The following SASH1 variants were observed in gnomAD, a reference collection of about 807,000 sequenced individuals.
The protein encoded by SASH1 is SAM and SH3 domain containing 1.
A neutral mutation model predicts 125.2 loss-of-function variants in SASH1; 44 were observed. That is an observed-to-expected ratio of 0.35 (90% confidence interval 0.28 to 0.45). The LOEUF (loss-of-function observed/expected upper bound fraction) is 0.45, where lower values mean the gene tolerates loss of function less well. SASH1 is among the 20% of genes least tolerant of loss of function. The pLI is 1.00. For synonymous variants in SASH1, 639 were observed against 649.1 expected (o/e 0.98, Z 0.24); for missense variants, 1,426 against 1,614.5 (o/e 0.88, Z 2.00).
intron 8 of SASH1, among the ~76,000 whole-genome samples, chr6:148,502,631 C>G (rs532451966): frequency 2.0e-4 from 31 of 152,074 alleles, no homozygotes; most frequent in African/African-American, 7.5e-4. Context: ...TGAAATCAAG[C>G]TTGGGGAAGA....
At chr6:148,389,714 T>G (rs183683689) in intron 1 of SASH1, among the ~76,000 whole-genome samples, 7 of 152,242 alleles carry the variant, frequency 4.6e-5, no homozygotes, top group African/African-American at 1.7e-4. Context: ...AGGGGCCACA[T>G]TGGGCATTAG....
At chr6:148,331,565 G>T (rs558093293) in intron 1 of SASH1, among the ~76,000 whole-genome samples, 70 of 152,044 alleles carry the variant, frequency 4.6e-4, no homozygotes, top group African/African-American at 1.6e-3. Context: ...TCCTGACCTC[G>T]TGATCCGCCC....
intron 1 of SASH1, among the ~76,000 whole-genome samples, chr6:148,318,429 T>C (rs980861538): frequency 1.3e-5 from 2 of 152,210 alleles, no homozygotes; most frequent in Admixed American, 6.5e-5. Flanking sequence ...ACAGCTTTCA[T>C]TTGACATTCA....
At chr6:148,297,014 G>T (rs1350609219) in intron 1 of SASH1, among the ~76,000 whole-genome samples, 1 of 152,228 alleles carries the variant, frequency 6.6e-6, no homozygotes, top group Non-Finnish European at 1.5e-5. Flanking sequence ...GGCCTTCAGG[G>T]AAGAGAATCT....
intron 1 of SASH1, among the ~76,000 whole-genome samples, chr6:148,352,704 G>C (rs1238360161): frequency 1.3e-5 from 2 of 152,110 alleles, no homozygotes; most frequent in East Asian, 3.9e-4. Flanking sequence ...GGGTACGGTG[G>C]CTCATGCCTG....
chr6:148,379,880 T>G, intron 1 of SASH1: 1 of 456,422 alleles, frequency 2.2e-6, no homozygotes, highest in Middle Eastern at 3.3e-4. Context: ...TCACCGCTGA[T>G]CTTGTTCCAT....
intron 2 of SASH1, among the ~76,000 whole-genome samples, chr6:148,410,260 G>A (rs1437917370): frequency 2.0e-5 from 3 of 151,370 alleles, no homozygotes; most frequent in Non-Finnish European, 4.4e-5. Context: ...ACAGGCGCCC[G>A]CCACCACGCC....
In SASH1 at chr6:148,447,334, A is replaced by C. The variant is rs182471200; in HGVS notation, c.386+6927A>C. Among the ~76,000 whole-genome samples, 12 of 152,352 alleles carry C rather than the reference A, an allele frequency of 7.9e-5. No individual in the cohort carries two copies. In the East Asian group the frequency reaches 2.3e-3, roughly 29 times the overall value. On this transcript the variant is annotated intron_variant, in intron 4 of 19. Coordinates refer to ENST00000367467, the MANE Select transcript of SASH1 (RefSeq NM_015278.5). ...AGAGCAGTGTTCTGTGGTGAAATAA[A>C]GAGGATCGAATATAGTTTATAAATG...
rs551145828 is a variant in SASH1 at position 148,468,642 on chromosome 6, C to T, written c.427+57C>T. ...AATTATTTCAATACTTTATAGAAAA[C>T]ACGAATATGTGAAAATACAAAACCC... is the stretch of plus-strand genomic sequence containing the variant. On this transcript the variant is annotated intron_variant, in intron 5 of 19. Transcript: ENST00000367467. 4 of 1,111,816 alleles carry T rather than the reference C, an allele frequency of 3.6e-6. No individual in the cohort carries two copies. The African/African-American group carries it at 4.8e-5, about 13-fold the overall frequency. The allele number at this position is 1,111,816 out of a possible 1,614,324, so 68.9% of individuals were successfully genotyped here.
At chr6:148,540,333 C>T (rs1302895743) in intron 16 of SASH1, 110 bp from the exon 17 acceptor site, 1 of 750,078 alleles carries the variant, frequency 1.3e-6, no homozygotes, top group African/African-American at 1.8e-5. Flanking sequence ...ATAAATTGTT[C>T]TCTTCCAAAA....
chr6:148,445,602 G>C (rs1326854389), intron 4 of SASH1, among the ~76,000 whole-genome samples: 1 of 152,186 alleles, frequency 6.6e-6, no homozygotes, highest in East Asian at 1.9e-4. Flanking sequence ...TCGGCCTTCA[G>C]AAACCCAGAT....
At chr6:148,256,710 G>C in the SASH1 span, among the ~76,000 whole-genome samples, 1 of 152,286 alleles carries the variant, frequency 6.6e-6, no homozygotes, top group South Asian at 2.1e-4. Flanking sequence ...ACTGCAAAGA[G>C]GCAGAAGGGA....
chr6:148,458,981 TATAC>T (rs1336435748), intron 4 of SASH1, among the ~76,000 whole-genome samples: 4 of 58,902 alleles, frequency 6.8e-5, no homozygotes, highest in Non-Finnish European at 9.4e-5. Flanking sequence ...AAAAAAAAAG[TATAC>T]ACACACACAC....
intron 7 of SASH1, among the ~76,000 whole-genome samples, chr6:148,486,007 C>T (rs941836653): frequency 3.3e-5 from 5 of 152,206 alleles, no homozygotes; most frequent in Non-Finnish European, 5.9e-5. Flanking sequence ...TCACATATGC[C>T]ATTCTGAAAG....
At chr6:148,247,915 A>G in the SASH1 span, among the ~76,000 whole-genome samples, 10 of 152,258 alleles carry the variant, frequency 6.6e-5, no homozygotes, top group African/African-American at 2.4e-4. Flanking sequence ...AAAGGCTGAG[A>G]GTATACCATC....
At chr6:148,331,556 C>T (rs1264575926) in intron 1 of SASH1, among the ~76,000 whole-genome samples, 1 of 152,114 alleles carries the variant, frequency 6.6e-6, no homozygotes, top group Non-Finnish European at 1.5e-5. Flanking sequence ...GTCTCTAACT[C>T]CTGACCTCGT....
intron 1 of SASH1, among the ~76,000 whole-genome samples, chr6:148,369,966 CAA>C (rs562924566): frequency 0.012 from 1,078 of 93,620 alleles, 13 homozygotes; most frequent in African/African-American, 0.044. Context: ...AAAAGAAAAA[CAA>C]AAAAAAAAAA....
At chr6:148,513,587 G>A (rs1780272608) in intron 8 of SASH1, 2 of 985,650 alleles carry the variant, frequency 2.0e-6, no homozygotes, top group Non-Finnish European at 2.4e-6. Flanking sequence ...TGATACTTGA[G>A]GGAAAACAGC....
At chr6:148,234,688 G>A in the SASH1 span, among the ~76,000 whole-genome samples, 38 of 152,188 alleles carry the variant, frequency 2.5e-4, 1 homozygote, top group Middle Eastern at 3.4e-3. Flanking sequence ...TTAACCAGGC[G>A]TGGTGGCAGA....
Sources: gnomAD v4.1 joint callset for allele counts (sites outside exome capture counted in the v4.1 genomes callset) on GRCh38, gnomAD v4.1.1 for gene constraint, MANE v1.5 for transcripts, NCBI Gene and HGNC (gene_info 2026-07-23, HGNC 2026-07-21) for gene names.